Variants in P2RY8 observed in about 807,000 individuals in gnomAD.
P2RY8 encodes S-geranylgeranyl-glutathione receptor P2RY8.
Under a neutral mutation model 10.0 loss-of-function variants are expected in P2RY8, and 6 were observed. That is an observed-to-expected ratio of 0.60 (90% confidence interval 0.33 to 1.19). The LOEUF (loss-of-function observed/expected upper bound fraction) is 1.19. Among genes scored for constraint, P2RY8 ranks in the 50% most tolerant of loss-of-function variants. P2RY8 has a pLI of 0.04. For synonymous variants in P2RY8, 276 were observed against 252.5 expected (o/e 1.09, Z -0.88); for missense variants, 456 against 542.0 (o/e 0.84, Z 1.58).
intron 1 of P2RY8, among the ~76,000 whole-genome samples, chrX:1,496,100 C>T (rs2092114415): frequency 1.3e-5 from 2 of 152,120 alleles, no homozygotes; most frequent in East Asian, 1.9e-4. Context: ...TTACGGCGGC[C>T]GAGCTGACTA....
intron 1 of P2RY8, among the ~76,000 whole-genome samples, chrX:1,534,155 TATACA>T (rs1265349701): frequency 7.4e-6 from 1 of 135,804 alleles, no homozygotes; most frequent in Admixed American, 8.0e-5. Flanking sequence ...TATATATTTA[TATACA>T]ATATATTTAC....
At chrX:1,513,996 C>G (rs1366207477) in intron 1 of P2RY8, among the ~76,000 whole-genome samples, 1 of 152,224 alleles carries the variant, frequency 6.6e-6, no homozygotes, top group Non-Finnish European at 1.5e-5. Context: ...AAACAAAGTC[C>G]TGTTTCCAGG....
chrX:1,473,051 G>C (rs1309396354), intron 1 of P2RY8, among the ~76,000 whole-genome samples: 2 of 149,912 alleles, frequency 1.3e-5, no homozygotes, highest in Non-Finnish European at 1.5e-5. Context: ...GTGGGTGGGT[G>C]GATGGGTGGA....
intron 1 of P2RY8, among the ~76,000 whole-genome samples, chrX:1,511,563 A>G (rs1438731264): frequency 6.6e-6 from 1 of 152,136 alleles, no homozygotes; most frequent in Non-Finnish European, 1.5e-5. Flanking sequence ...TCTGTCACCT[A>G]GGCTGGAATG....
chrX:1,509,796 C>CCATT (rs1435428661), intron 1 of P2RY8, among the ~76,000 whole-genome samples: 3,506 of 104,720 alleles, frequency 0.033, 141 homozygotes, highest in African/African-American at 0.094. Context: ...ATGTATCCAT[C>CCATT]CTATCTATCT....
chrX:1,522,045 C>T (rs1211470716), intron 1 of P2RY8, among the ~76,000 whole-genome samples: 2 of 149,664 alleles, frequency 1.3e-5, no homozygotes, highest in East Asian at 2.0e-4. Flanking sequence ...CTCCGCCTCC[C>T]GGGTTCAGGT....
chrX:1,497,870 G>A (rs774655390), intron 1 of P2RY8, among the ~76,000 whole-genome samples: 3 of 152,044 alleles, frequency 2.0e-5, no homozygotes, highest in Middle Eastern at 3.4e-3. Context: ...GCAGCCTAGC[G>A]GGTCCTTGCC....
chrX:1,466,529 G>C lies in P2RY8; in HGVS notation c.30C>G (p.Asp10Glu). Residue 10 changes from aspartate (D) to glutamate (E), a missense_variant, in exon 2 of 2, where the codon GAC (aspartate) becomes GAG (glutamate). By Grantham distance (45) the Asp-to-Glu change is conservative (BLOSUM62 2). Transcript: ENST00000381297. MQVPNSTGP[D>E]NATLQMLRNP... ...TCCGCAGCATCTGCAGCGTCGCGTTGTCCGGGCCGGTGCTGTTCGGGACCT... is the reference window on the plus strand; with the variant it reads ...TCCGCAGCATCTGCAGCGTCGCGTTCTCCGGGCCGGTGCTGTTCGGGACCT... 2.5e-6 allele frequency: 4 copies of C among 1,608,776 alleles called. No individual in the cohort carries two copies. The highest frequency in any genetic ancestry group is 3.4e-6 in the Non-Finnish European group (4 of 1,179,298).
Position 1,463,907 on chromosome X carries a change from T to C in P2RY8, c.*1572A>G. On this transcript the variant is annotated 3_prime_UTR_variant, in exon 2 of 2. Transcript: ENST00000381297. ...GCAGTATGGCCTCGCCTTACTTAAT[T>C]ACATTTGGAAAGACCCGATTTTCAA... 4.3e-6 allele frequency: 1 copy of C among 233,308 alleles called. No homozygotes were observed. The allele number at this position is 233,308 out of a possible 1,614,324, so 14.5% of individuals were successfully genotyped here. A position where few individuals can be genotyped will look rare whatever the true frequency, so the allele number is the denominator to read the frequency against.
intron 1 of P2RY8, among the ~76,000 whole-genome samples, chrX:1,479,724 A>G (rs1347152303): frequency 6.6e-6 from 1 of 152,346 alleles, no homozygotes; most frequent in East Asian, 1.9e-4. Flanking sequence ...TGAAATAACA[A>G]TCAATGAGAG....
chrX:1,493,437 AAGG>A (rs1321037490), intron 1 of P2RY8, among the ~76,000 whole-genome samples: 1 of 28,636 alleles, frequency 3.5e-5, no homozygotes, highest in Non-Finnish European at 7.6e-5. Flanking sequence ...GGAGGGAGGG[AAGG>A]AGGAGGAAGG....
At chrX:1,475,394 AG>A (rs1166698256) in intron 1 of P2RY8, among the ~76,000 whole-genome samples, 3 of 152,150 alleles carry the variant, frequency 2.0e-5, no homozygotes, top group Admixed American at 2.0e-4. Context: ...GCTGCAGCAA[AG>A]CTTGGAACAG....
At chrX:1,513,355 C>G (rs1170576260) in intron 1 of P2RY8, among the ~76,000 whole-genome samples, 11 of 152,008 alleles carry the variant, frequency 7.2e-5, no homozygotes, top group Non-Finnish European at 1.6e-4. Context: ...TATTACAATT[C>G]CAGGTGAGAT....
In P2RY8 at chrX:1,530,071, T is replaced by A. The variant is rs188425757; in HGVS notation, c.-25+6850A>T. On this transcript the variant is annotated intron_variant, in intron 1 of 1. Coordinates refer to ENST00000381297, the MANE Select transcript of P2RY8 (RefSeq NM_178129.5). ...TTTAGTATAGAGAATCTCTCCTCTC[T>A]CTCTCTCTCTCCGTCATCCATCTAT... 3.4e-3 allele frequency among the ~76,000 whole-genome samples: 520 copies of A among 152,128 alleles called. 4 individuals are homozygous for A. The highest frequency in any genetic ancestry group is 0.012 in the African/African-American group (491 of 41,482).
chrX:1,480,420 T>G (rs5948908), intron 1 of P2RY8, among the ~76,000 whole-genome samples: 80,945 of 150,226 alleles, frequency 0.54, 22,112 homozygotes, highest in South Asian at 0.65. Context: ...ACAGGGCCTT[T>G]CTCTGTCAAC....
intron 1 of P2RY8, among the ~76,000 whole-genome samples, chrX:1,516,414 C>T (rs2092349827): frequency 6.6e-6 from 1 of 151,842 alleles, no homozygotes; most frequent in African/African-American, 2.4e-5. Context: ...ACCTGGATCT[C>T]AGACTTCCAG....
chrX:1,471,488 G>A (rs1189219649), intron 1 of P2RY8, among the ~76,000 whole-genome samples: 1 of 146,536 alleles, frequency 6.8e-6, no homozygotes, highest in East Asian at 2.0e-4. Flanking sequence ...AATAATTTTA[G>A]TAGCGACAAG....
intron 1 of P2RY8, among the ~76,000 whole-genome samples, chrX:1,486,311 A>G (rs1439600750): frequency 1.3e-5 from 2 of 152,202 alleles, no homozygotes; most frequent in African/African-American, 4.8e-5. Flanking sequence ...GAAACAGCCC[A>G]AGTGTCCGTC....
chrX:1,495,648 C>A (rs1372317489), intron 1 of P2RY8, among the ~76,000 whole-genome samples: 1 of 143,726 alleles, frequency 7.0e-6, no homozygotes, highest in East Asian at 2.0e-4. Context: ...GACAAAGACA[C>A]CTCATAAGAA....
Sources: gnomAD v4.1 joint callset for allele counts (sites outside exome capture counted in the v4.1 genomes callset) on GRCh38, gnomAD v4.1.1 for gene constraint, MANE v1.5 for transcripts, NCBI Gene and HGNC (gene_info 2026-07-23, HGNC 2026-07-21) for gene names.